The following TRIM44 variants were observed in gnomAD, a reference collection of about 807,000 sequenced individuals.
TRIM44 encodes tripartite motif-containing protein 44.
Under a neutral mutation model 37.4 loss-of-function variants are expected in TRIM44, and 13 were observed. The ratio of observed to expected loss-of-function variants is 0.35; its 90% confidence interval spans 0.23 to 0.55. The LOEUF is 0.55. TRIM44 is among the 20% of genes least tolerant of loss of function. TRIM44 has a pLI of 0.89. For missense variants in TRIM44, 426 were observed against 437.2 expected (o/e 0.97, Z 0.23); for synonymous variants, 175 against 157.2 (o/e 1.11, Z -0.85).
intron 2 of TRIM44, among the ~76,000 whole-genome samples, chr11:35,696,449 A>G (rs1361960220): frequency 1.3e-5 from 2 of 151,864 alleles, no homozygotes; most frequent in African/African-American, 4.8e-5. Flanking sequence ...GCCGTCAAAA[A>G]TTTTTTAAAA....
In TRIM44 at chr11:35,815,736, C is replaced by T. The variant is rs1853574414; in HGVS notation, c.*9351C>T. ...AGGACAAGACGTGGAAGAATTAGGT[C>T]ACCGGGGCATCTGCCATTGCATATG... On this transcript the variant is annotated 3_prime_UTR_variant, in exon 5 of 5. Coordinates refer to ENST00000299413, the MANE Select transcript of TRIM44 (RefSeq NM_017583.6). The T allele has an allele frequency of 6.6e-6, 1 of 152,146 alleles. No individual in the cohort carries two copies. Among genetic ancestry groups the T allele is most frequent in the Non-Finnish European group, 1.5e-5 (1 of 68,036 alleles). The allele number at this position is 152,146 out of a possible 1,614,324, so 9.4% of individuals were successfully genotyped here. A position where few individuals can be genotyped will look rare whatever the true frequency, so the allele number is the denominator to read the frequency against.
chr11:35,772,400 A>C (rs1347487992), intron 4 of TRIM44, among the ~76,000 whole-genome samples: 2 of 152,192 alleles, frequency 1.3e-5, no homozygotes, highest in African/African-American at 4.8e-5. Flanking sequence ...TAGATCACCG[A>C]CAGCTTGCAC....
intron 4 of TRIM44, among the ~76,000 whole-genome samples, chr11:35,793,239 T>C (rs1402329270): frequency 6.6e-6 from 1 of 151,740 alleles, no homozygotes; most frequent in African/African-American, 2.4e-5. Flanking sequence ...AAAGACACTA[T>C]TGGGGCCAGG....
chr11:35,741,422 A>G (rs1852395928), intron 4 of TRIM44, among the ~76,000 whole-genome samples: 1 of 152,302 alleles, frequency 6.6e-6, no homozygotes, highest in Admixed American at 6.5e-5. Flanking sequence ...TATTTTGTGC[A>G]TGTTAGTATA....
At chr11:35,751,534 C>G (rs1231609584) in intron 4 of TRIM44, among the ~76,000 whole-genome samples, 1 of 152,152 alleles carries the variant, frequency 6.6e-6, no homozygotes, top group Non-Finnish European at 1.5e-5. Flanking sequence ...TCTCAATTTT[C>G]TCATCAGTCA....
At chr11:35,715,244 G>A (rs1852024409) in intron 2 of TRIM44, among the ~76,000 whole-genome samples, 1 of 152,186 alleles carries the variant, frequency 6.6e-6, no homozygotes, top group Admixed American at 6.5e-5. Flanking sequence ...ATAGTGGTTA[G>A]ACATCCATCT....
chr11:35,801,687 TCACAGG>T (rs1853372591), intron 4 of TRIM44, among the ~76,000 whole-genome samples: 2 of 152,276 alleles, frequency 1.3e-5, no homozygotes, highest in South Asian at 4.2e-4. Flanking sequence ...CATTTCAGTT[TCACAGG>T]CACCACATCA....
chr11:35,688,535 T>C (rs1401199570), intron 2 of TRIM44, among the ~76,000 whole-genome samples: 1 of 152,348 alleles, frequency 6.6e-6, no homozygotes, highest in Non-Finnish European at 1.5e-5. Context: ...CAAAATTCTT[T>C]TACAAAATTA....
chr11:35,735,974 A>G (rs1172158410), intron 4 of TRIM44, among the ~76,000 whole-genome samples: 1 of 152,188 alleles, frequency 6.6e-6, no homozygotes, highest in Admixed American at 6.5e-5. Context: ...AGTTGAATGC[A>G]GTTTAGAAGT....
chr11:35,697,282 G>C (rs1851716458), intron 2 of TRIM44, among the ~76,000 whole-genome samples: 1 of 140,056 alleles, frequency 7.1e-6, no homozygotes, highest in Non-Finnish European at 1.5e-5. Context: ...TCTAATTGTT[G>C]AGTTCCCACC....
At chr11:35,725,058 GCACACACT>G (rs1490341718) in intron 2 of TRIM44, among the ~76,000 whole-genome samples, 1,254 of 107,352 alleles carry the variant, frequency 0.012, 21 homozygotes, top group African/African-American at 0.055. Flanking sequence ...TAGGAGACAT[GCACACACT>G]CACACACACA....
chr11:35,768,548 G>A (rs1478101956), intron 4 of TRIM44, among the ~76,000 whole-genome samples: 1 of 152,058 alleles, frequency 6.6e-6, no homozygotes, highest in African/African-American at 2.4e-5. Flanking sequence ...AGGATTCAAG[G>A]GGATCCCTGA....
chr11:35,666,425 T>C (rs1412354275), intron 1 of TRIM44, among the ~76,000 whole-genome samples: 1 of 152,242 alleles, frequency 6.6e-6, no homozygotes, highest in East Asian at 1.9e-4. Flanking sequence ...GGAGTGTATT[T>C]GGATATTAAA....
At chr11:35,789,238 T>A (rs1258297547) in intron 4 of TRIM44, among the ~76,000 whole-genome samples, 1 of 152,130 alleles carries the variant, frequency 6.6e-6, no homozygotes, top group Non-Finnish European at 1.5e-5. Flanking sequence ...TGCTAACTTC[T>A]CATGTTAGGG....
chr11:35,726,267 C>CT, intron 3 of TRIM44, 104 bp downstream of exon 3: 1 of 1,429,456 alleles, frequency 7.0e-7, no homozygotes, highest in Admixed American at 2.0e-5. Context: ...GAATTGAAGT[C>CT]TAGGTAGAGT....
chr11:35,684,037 T>A (rs1260309900), intron 1 of TRIM44, among the ~76,000 whole-genome samples: 1 of 152,202 alleles, frequency 6.6e-6, no homozygotes, highest in Non-Finnish European at 1.5e-5. Flanking sequence ...TTATTGGCTC[T>A]ATTTTACAGA....
At chr11:35,731,182 G>C (rs1424207577) in intron 3 of TRIM44, among the ~76,000 whole-genome samples, 5 of 152,140 alleles carry the variant, frequency 3.3e-5, no homozygotes, top group Admixed American at 3.3e-4. Context: ...AATCTTAGAA[G>C]GAAGGGATTC....
chr11:35,778,414 C>T (rs1292472757), intron 4 of TRIM44, among the ~76,000 whole-genome samples: 2 of 152,226 alleles, frequency 1.3e-5, no homozygotes, highest in African/African-American at 4.8e-5. Flanking sequence ...CCTCCTTTAG[C>T]TCAGAGAAGT....
chr11:35,709,708 TC>T (rs1851942044), intron 2 of TRIM44, among the ~76,000 whole-genome samples: 1 of 152,160 alleles, frequency 6.6e-6, no homozygotes, highest in South Asian at 2.1e-4. Context: ...CCCCAGCTAC[TC>T]TGAGAGATCA....
Sources: allele counts gnomAD v4.1 joint callset (sites outside exome capture counted in the v4.1 genomes callset), GRCh38; gene constraint gnomAD v4.1.1; transcripts MANE v1.5; gene names NCBI Gene and HGNC (gene_info 2026-07-23, HGNC 2026-07-21).